Variants in PAPPA observed in about 807,000 individuals in gnomAD.
PAPPA encodes the protein pappalysin-1.
A neutral mutation model predicts 164.0 loss-of-function variants in PAPPA; 60 were observed. That is an observed-to-expected ratio of 0.37 (90% CI 0.30 to 0.45). The LOEUF is 0.45. Among genes scored for constraint, PAPPA ranks in the 20% least tolerant of loss-of-function variants. The pLI, the probability that PAPPA is intolerant of heterozygous loss-of-function variation, is 1.00. For missense variants in PAPPA, 1,782 were observed against 2,087.3 expected, an observed-to-expected ratio of 0.85 and a Z score of 2.85; for synonymous variants, 875 against 814.1, an observed-to-expected ratio of 1.07 and a Z score of -1.27.
At chr9:116,391,247 C>T (rs1396135700) in intron 21 of PAPPA, among the ~76,000 whole-genome samples, 2 of 152,178 alleles carry the variant, frequency 1.3e-5, no homozygotes, top group Non-Finnish European at 2.9e-5. Context: ...TCCATCCTAC[C>T]TTTAAGAAAC....
chr9:116,360,111 C>T (rs1265152630), intron 17 of PAPPA, among the ~76,000 whole-genome samples: 1 of 152,210 alleles, frequency 6.6e-6, no homozygotes, highest in African/African-American at 2.4e-5. Flanking sequence ...CTCCAGCCAG[C>T]CCTGGCCCAA....
intron 7 of PAPPA, among the ~76,000 whole-genome samples, chr9:116,264,015 T>C (rs1845034801): frequency 6.6e-6 from 1 of 152,200 alleles, no homozygotes; most frequent in African/African-American, 2.4e-5. Flanking sequence ...TGAAGAAAAT[T>C]TCTTATTTTA....
At chr9:116,212,128 CT>C (rs1221323843) in intron 4 of PAPPA, among the ~76,000 whole-genome samples, 196 bp downstream of exon 4, 2 of 152,166 alleles carry the variant, frequency 1.3e-5, no homozygotes, top group African/African-American at 4.8e-5. Flanking sequence ...AATTGTTGGA[CT>C]AGCATCTCCA....
intron 13 of PAPPA, among the ~76,000 whole-genome samples, chr9:116,342,964 T>G (rs1212821442): frequency 6.6e-6 from 1 of 152,216 alleles, no homozygotes; most frequent in Non-Finnish European, 1.5e-5. Flanking sequence ...GCAAGGAATT[T>G]TTATTGGCAC....
intron 7 of PAPPA, among the ~76,000 whole-genome samples, chr9:116,253,137 CTG>C (rs1844879300): frequency 6.6e-6 from 1 of 151,910 alleles, no homozygotes; most frequent in Non-Finnish European, 1.5e-5. Context: ...CTAAGGATAC[CTG>C]TGGAAGGAAA....
intron 5 of PAPPA, among the ~76,000 whole-genome samples, chr9:116,223,950 C>T (rs1420338476): frequency 6.6e-6 from 1 of 152,150 alleles, no homozygotes; most frequent in African/African-American, 2.4e-5. Context: ...CGGTGAAATG[C>T]CAAGCACACA....
chr9:116,284,629 A>G (rs556646872), intron 9 of PAPPA, among the ~76,000 whole-genome samples: 1 of 141,844 alleles, frequency 7.1e-6, no homozygotes, highest in East Asian at 2.1e-4. Context: ...CTCACATTCG[A>G]CACATCTTAC....
chr9:116,390,803 T>G (rs1846881324), intron 21 of PAPPA, among the ~76,000 whole-genome samples: 3 of 152,092 alleles, frequency 2.0e-5, no homozygotes, highest in Admixed American at 6.6e-5. Flanking sequence ...TCCCAAAAAC[T>G]TATCAGCATC....
At chr9:116,182,162 T>A (rs1010940860) in intron 1 of PAPPA, among the ~76,000 whole-genome samples, 1 of 152,230 alleles carries the variant, frequency 6.6e-6, no homozygotes, top group African/African-American at 2.4e-5. Flanking sequence ...GAGGGAGCAA[T>A]GCTGATAGAC....
intron 6 of PAPPA, among the ~76,000 whole-genome samples, chr9:116,234,688 T>G (rs527411953): frequency 3.3e-5 from 5 of 152,202 alleles, no homozygotes; most frequent in Non-Finnish European, 7.3e-5. Flanking sequence ...AATGCTGGCT[T>G]TTACACTTCA....
intron 6 of PAPPA, among the ~76,000 whole-genome samples, chr9:116,228,739 C>T (rs763099641): frequency 8.5e-5 from 13 of 152,174 alleles, no homozygotes; most frequent in Non-Finnish European, 1.9e-4. Flanking sequence ...CTGGGGTCAT[C>T]TGGCCCGGGC....
intron 19 of PAPPA, among the ~76,000 whole-genome samples, chr9:116,369,321 G>A (rs1276922544): frequency 3.3e-5 from 5 of 152,124 alleles, no homozygotes; most frequent in Non-Finnish European, 7.3e-5. Context: ...GGCATGCAGG[G>A]AGCCCACATG....
chr9:116,254,887 T>C (rs2118788376), intron 7 of PAPPA, among the ~76,000 whole-genome samples: 1 of 151,964 alleles, frequency 6.6e-6, no homozygotes, highest in South Asian at 2.1e-4. Flanking sequence ...ATTATTCTAC[T>C]TTAATTCTTT....
At chr9:116,192,112 C>T (rs1484297354) in intron 2 of PAPPA, among the ~76,000 whole-genome samples, 3 of 152,162 alleles carry the variant, frequency 2.0e-5, no homozygotes, top group Admixed American at 2.0e-4. Context: ...TCTCTGCCTG[C>T]CAGTCTCCTG....
chr9:116,333,824 T>A lies in PAPPA; in HGVS notation c.3398-1037T>A, dbSNP rs138124880. ...GGTTCCACAGGAGCTCTTTGGATCC[T>A]GGTACTGATGCCTGAGGCTTTTCTG... On this transcript the variant is annotated intron_variant, in intron 12 of 21. Coordinates refer to ENST00000328252, the MANE Select transcript of PAPPA (RefSeq NM_002581.5). 7.9e-3 allele frequency among the ~76,000 whole-genome samples: 1,208 copies of A among 152,212 alleles called. 11 individuals are homozygous for A. Among genetic ancestry groups the A allele is most frequent in the African/African-American group, 0.028 (1,149 of 41,524 alleles).
At chr9:116,322,364 C>T (rs533534528) in intron 10 of PAPPA, among the ~76,000 whole-genome samples, 131 of 140,824 alleles carry the variant, frequency 9.3e-4, no homozygotes, top group African/African-American at 3.4e-3. Context: ...GAGCTGAGAT[C>T]GTGCCATCGC....
At chr9:116,181,172 C>A (rs1351189001) in intron 1 of PAPPA, among the ~76,000 whole-genome samples, 1 of 152,198 alleles carries the variant, frequency 6.6e-6, no homozygotes, top group Non-Finnish European at 1.5e-5. Flanking sequence ...AGTGGGAGAG[C>A]TTAGAAAACT....
At chr9:116,254,626 C>CA (rs1372196362) in intron 7 of PAPPA, among the ~76,000 whole-genome samples, 13 of 151,662 alleles carry the variant, frequency 8.6e-5, no homozygotes, top group South Asian at 4.2e-4. Flanking sequence ...ACTAAAAATA[C>CA]AAAAAATTAG....
intron 19 of PAPPA, among the ~76,000 whole-genome samples, chr9:116,376,989 C>A (rs1846661949): frequency 6.6e-6 from 1 of 152,146 alleles, no homozygotes; most frequent in African/African-American, 2.4e-5. Flanking sequence ...TGCTAAAATG[C>A]AGAGTCTCAG....
Sources: allele counts gnomAD v4.1 joint callset (sites outside exome capture counted in the v4.1 genomes callset), GRCh38; gene constraint gnomAD v4.1.1; transcripts MANE v1.5; gene names NCBI Gene and HGNC (gene_info 2026-07-23, HGNC 2026-07-21).